Variants in ATP5MF observed in about 807,000 individuals in gnomAD.
The protein encoded by ATP5MF is ATP synthase F(0) complex subunit f, mitochondrial.
In ATP5MF, 10 loss-of-function variants were observed where a neutral mutation model predicts 13.8. That is an observed-to-expected ratio of 0.72 (90% CI 0.45 to 1.23). ATP5MF has a LOEUF of 1.23. Ranked by LOEUF, ATP5MF falls within the 50% of genes most tolerant of loss-of-function variation. ATP5MF has a pLI of 0.00. For missense variants in ATP5MF, 122 were observed against 118.2 expected, an observed-to-expected ratio of 1.03 and a Z score of -0.15; for synonymous variants, 40 against 45.8, an observed-to-expected ratio of 0.87 and a Z score of 0.51.
At chr7:99,459,383 C>T (rs1012004960) in intron 2 of ATP5MF, 120 bp from the exon 3 acceptor site, 3 of 733,756 alleles carry the variant, frequency 4.1e-6, no homozygotes, top group African/African-American at 1.7e-5. Flanking sequence ...TTAAGCCCCT[C>T]GCCCTGCATT....
intron 1 of ATP5MF, among the ~76,000 whole-genome samples, chr7:99,465,761 C>A (rs376234171): frequency 6.6e-6 from 1 of 152,348 alleles, no homozygotes; most frequent in African/African-American, 2.4e-5. Context: ...GAAAAAAGGG[C>A]AAAAGCTGCG....
chr7:99,460,298 G>T, intron 1 of ATP5MF, 105 bp from the exon 2 acceptor site: 2 of 1,242,726 alleles, frequency 1.6e-6, no homozygotes, highest in Non-Finnish European at 2.3e-6. Context: ...GGTGCATAAT[G>T]CAATTACACA....
chr7:99,459,298 G>T, intron 2 of ATP5MF, 35 bp from the exon 3 acceptor site: 1 of 1,506,410 alleles, frequency 6.6e-7, no homozygotes, highest in Non-Finnish European at 9.2e-7. Flanking sequence ...GCCCTGCTGG[G>T]CTTCACATTT....
At chr7:99,459,442 C>A (rs1798498009) in intron 2 of ATP5MF, among the ~76,000 whole-genome samples, 179 bp from the exon 3 acceptor site, 1 of 152,206 alleles carries the variant, frequency 6.6e-6, no homozygotes, top group Admixed American at 6.5e-5. Context: ...GGTCTCTCAT[C>A]CCCATAGCCT....
At chr7:99,459,868 C>A in intron 2 of ATP5MF, 1 of 547,150 alleles carries the variant, frequency 1.8e-6, no homozygotes, top group Non-Finnish European at 3.2e-6. Context: ...TTCCAAGCAA[C>A]AGGAAACATG....
chr7:99,461,064 G>A (rs745318820), intron 1 of ATP5MF, among the ~76,000 whole-genome samples: 22 of 152,158 alleles, frequency 1.4e-4, no homozygotes, highest in Non-Finnish European at 3.1e-4. Flanking sequence ...AGGGCTCCTG[G>A]CTGAGGCTGT....
Position 99,459,994 on chromosome 7 carries a change from A to G in ATP5MF, c.139+92T>C, listed in dbSNP as rs1798525405. ...CATAACTTACTGCTTTCAGACAACAAGGCCTTCATTGCCCAAATTAATTCA... is the reference window on the plus strand; with the variant it reads ...CATAACTTACTGCTTTCAGACAACAGGGCCTTCATTGCCCAAATTAATTCA... On this transcript the variant is annotated intron_variant, in intron 2 of 3. Transcript: ENST00000292475. The G allele has an allele frequency of 5.7e-6, 8 of 1,400,520 alleles. No individual in the cohort carries two copies. In the Admixed American group the frequency reaches 1.8e-4, roughly 32 times the overall value. 86.8% of individuals were successfully genotyped at this position (1,400,520 alleles called of 1,614,324 possible). A position where few individuals can be genotyped will look rare whatever the true frequency, so the allele number is the denominator to read the frequency against.
intron 1 of ATP5MF, among the ~76,000 whole-genome samples, chr7:99,462,127 G>A (rs1235715424): frequency 6.6e-6 from 1 of 151,710 alleles, no homozygotes; most frequent in African/African-American, 2.4e-5. Context: ...TTCTATCTCT[G>A]TATTATGAAG....
At chr7:99,462,407 G>A (rs1045548683) in intron 1 of ATP5MF, among the ~76,000 whole-genome samples, 2 of 151,458 alleles carry the variant, frequency 1.3e-5, no homozygotes, top group African/African-American at 4.9e-5. Context: ...GGCGGAGCTT[G>A]CAGTGAGCTG....
chr7:99,464,579 C>T (rs946736990), intron 1 of ATP5MF, among the ~76,000 whole-genome samples: 3 of 152,066 alleles, frequency 2.0e-5, no homozygotes, highest in Admixed American at 6.6e-5. Flanking sequence ...AGGAGAATGG[C>T]GTGAACCCGG....
intron 2 of ATP5MF, chr7:99,459,573 C>T (rs1242087101): frequency 3.2e-6 from 1 of 309,868 alleles, no homozygotes; most frequent in Non-Finnish European, 6.1e-6. Flanking sequence ...CCACAGCCAG[C>T]TAATTTTTCT....
chr7:99,458,303 G>T lies in ATP5MF; in HGVS notation c.*24C>A, dbSNP rs10260157. 97 of 1,602,732 alleles carry T rather than the reference G, an allele frequency of 6.1e-5. No homozygotes were observed. The African/African-American group carries it at 9.5e-4, about 16-fold the overall frequency. The stretch of plus-strand genomic sequence containing the variant: ...GGGGCTCGGGCCAAGGTCGTGGGGT[G>T]GGGGGGTGCAGAGTGTGTCCTCTTC... On this transcript the variant is annotated 3_prime_UTR_variant, in exon 4 of 4. Transcript: ENST00000292475.
intron 1 of ATP5MF, 174 bp from the exon 2 acceptor site, chr7:99,460,367 G>T: frequency 1.3e-6 from 1 of 774,422 alleles, no homozygotes; most frequent in Non-Finnish European, 2.2e-6. Flanking sequence ...ACTATTTTAA[G>T]ACTGAGTCTA....
intron 1 of ATP5MF, among the ~76,000 whole-genome samples, chr7:99,463,782 A>C (rs1477673553): frequency 6.6e-6 from 1 of 152,110 alleles, no homozygotes; most frequent in Admixed American, 6.5e-5. Context: ...ATCTCAAAAA[A>C]TAAATAAATA....
chr7:99,461,817 C>T (rs2151028775), intron 1 of ATP5MF, among the ~76,000 whole-genome samples: 1 of 151,570 alleles, frequency 6.6e-6, no homozygotes, highest in East Asian at 2.0e-4. Flanking sequence ...GCCACGACAC[C>T]CAGCTAATTT....
rs762526939 is a variant in ATP5MF at position 99,458,347 on chromosome 7, G to A, written c.265C>T (p.Arg89Trp). The change falls in exon 4 of 4, where the codon CGG (arginine) becomes TGG (tryptophan). Residue 89 changes from arginine to tryptophan, a missense_variant. Coordinates refer to ENST00000292475, the MANE Select transcript of ATP5MF (RefSeq NM_004889.5). ...SFSYKHLKHE[R>W]LRKYH ...CCTCTTCAGTGGTATTTGCGGAGCCGCTCGTGCTCTGAAGTCAGGAAGGCA... is the reference window on the plus strand; with the variant it reads ...CCTCTTCAGTGGTATTTGCGGAGCCACTCGTGCTCTGAAGTCAGGAAGGCA... The A allele has an allele frequency of 3.9e-5, 62 of 1,608,278 alleles. No individual in the cohort carries two copies. The highest frequency in any genetic ancestry group is 4.5e-5 in the Non-Finnish European group (53 of 1,178,122).
chr7:99,459,946 G>T, intron 2 of ATP5MF, 140 bp downstream of exon 2: 1 of 955,760 alleles, frequency 1.0e-6, no homozygotes, highest in Non-Finnish European at 1.6e-6. Flanking sequence ...CCAAGGCCTA[G>T]CATCCCTCCC....
chr7:99,466,153 G>A lies in ATP5MF; in HGVS notation c.-12C>T, dbSNP rs1798868184. 6.2e-7 allele frequency: 1 copy of A among 1,614,172 alleles called. No homozygotes were observed. The highest frequency in any genetic ancestry group is 8.5e-7 in the Non-Finnish European group (1 of 1,180,032). ...CCAACTGACGCCATTTTGGAGTCCT[G>A]GTGTCCGCTGTGCCGGACCGCGCGA... On this transcript the variant is annotated 5_prime_UTR_variant, in exon 1 of 4. Coordinates refer to ENST00000292475, the MANE Select transcript of ATP5MF (RefSeq NM_004889.5).
At chr7:99,461,100 G>A (rs952580893) in intron 1 of ATP5MF, among the ~76,000 whole-genome samples, 2 of 152,194 alleles carry the variant, frequency 1.3e-5, no homozygotes, top group Admixed American at 6.5e-5. Context: ...GGGCCCAGGA[G>A]GAGACTATGG....
Sources: gnomAD v4.1 joint callset for allele counts (sites outside exome capture counted in the v4.1 genomes callset) on GRCh38, gnomAD v4.1.1 for gene constraint, MANE v1.5 for transcripts, NCBI Gene and HGNC (gene_info 2026-07-23, HGNC 2026-07-21) for gene names.